PARD3B: variants seen among roughly 807,000 people sequenced by gnomAD.
PARD3B encodes the protein par-3 family cell polarity regulator beta.
In PARD3B, 103 loss-of-function variants were observed where a neutral mutation model predicts 130.2. The ratio of observed to expected loss-of-function variants is 0.79; its 90% CI spans 0.67 to 0.93. The LOEUF (loss-of-function observed/expected upper bound fraction) is 0.93, where lower values mean the gene tolerates loss of function less well. Ranked by LOEUF, PARD3B falls within the 40% of genes least tolerant of loss-of-function variation. The pLI is 0.00. For missense variants in PARD3B, 1,609 were observed against 1,499.2 expected, an observed-to-expected ratio of 1.07 and a Z score of -1.21; for synonymous variants, 583 against 553.2, an observed-to-expected ratio of 1.05 and a Z score of -0.76.
intron 22 of PARD3B, among the ~76,000 whole-genome samples, chr2:205,602,088 A>G (rs1458023419): frequency 6.6e-6 from 1 of 152,148 alleles, no homozygotes; most frequent in East Asian, 1.9e-4. Context: ...AACATGAAAG[A>G]ATGTTGAATT....
At chr2:205,610,519 A>G (rs2105790858) in intron 22 of PARD3B, among the ~76,000 whole-genome samples, 2 of 152,288 alleles carry the variant, frequency 1.3e-5, no homozygotes, top group Middle Eastern at 6.8e-3. Flanking sequence ...GTTAATCTTG[A>G]GTCAAGAGAG....
At chr2:205,273,795 C>T (rs1297312657) in intron 16 of PARD3B, among the ~76,000 whole-genome samples, 8 of 152,284 alleles carry the variant, frequency 5.3e-5, no homozygotes, top group African/African-American at 1.2e-4. Context: ...ACAGTCGCAC[C>T]GTATTCTGCG....
At chr2:205,557,268 C>T (rs556471798) in intron 22 of PARD3B, among the ~76,000 whole-genome samples, 3 of 152,134 alleles carry the variant, frequency 2.0e-5, no homozygotes, top group Non-Finnish European at 4.4e-5. Context: ...CCCTTGCTGC[C>T]GTCCAGCTTT....
At chr2:205,518,110 G>A (rs1463862166) in intron 21 of PARD3B, among the ~76,000 whole-genome samples, 1 of 152,158 alleles carries the variant, frequency 6.6e-6, no homozygotes, top group African/African-American at 2.4e-5. Flanking sequence ...ATTTGGTCCA[G>A]TGTTGAGTTC....
At chr2:205,224,387 A>AAAAAAAG (rs2038421488) in intron 15 of PARD3B, among the ~76,000 whole-genome samples, 1 of 143,762 alleles carries the variant, frequency 7.0e-6, no homozygotes, top group Non-Finnish European at 1.5e-5. Flanking sequence ...AAAAAAAAAA[A>AAAAAAAG]AGAAAGAAAG....
At chr2:205,448,206 A>G (rs1045964093) in intron 20 of PARD3B, among the ~76,000 whole-genome samples, 2 of 152,166 alleles carry the variant, frequency 1.3e-5, no homozygotes, top group Admixed American at 1.3e-4. Flanking sequence ...TGTGTACACT[A>G]AAGTCTATTG....
At chr2:205,261,511 T>A (rs1182499440) in intron 16 of PARD3B, among the ~76,000 whole-genome samples, 1 of 152,140 alleles carries the variant, frequency 6.6e-6, no homozygotes, top group East Asian at 1.9e-4. Flanking sequence ...GGATCTCTTT[T>A]GACAAGACAA....
chr2:204,995,275 TGTG>T (rs1268948965), intron 3 of PARD3B, among the ~76,000 whole-genome samples: 3 of 151,414 alleles, frequency 2.0e-5, no homozygotes, highest in Non-Finnish European at 4.4e-5. Flanking sequence ...GGGCAGGCCT[TGTG>T]GTGACAAAAT....
intron 20 of PARD3B, among the ~76,000 whole-genome samples, chr2:205,481,111 G>A (rs2049219119): frequency 3.3e-5 from 5 of 152,120 alleles, no homozygotes; most frequent in Admixed American, 3.3e-4. Flanking sequence ...TAGACCCTGG[G>A]GAATGGTTTG....
intron 11 of PARD3B, among the ~76,000 whole-genome samples, chr2:205,168,104 T>C (rs1559503699): frequency 6.6e-6 from 1 of 152,220 alleles, no homozygotes; most frequent in Non-Finnish European, 1.5e-5. Flanking sequence ...TTACATTTTG[T>C]CTTTACTCTG....
At chr2:205,505,114 A>G (rs2050303933) in intron 21 of PARD3B, among the ~76,000 whole-genome samples, 1 of 152,162 alleles carries the variant, frequency 6.6e-6, no homozygotes. Flanking sequence ...GCTGGAAACC[A>G]TCATTCTCAG....
intron 22 of PARD3B, among the ~76,000 whole-genome samples, chr2:205,602,715 C>G (rs192902498): frequency 6.6e-6 from 1 of 152,204 alleles, no homozygotes; most frequent in Admixed American, 6.5e-5. Context: ...GTGGTGTTAT[C>G]CCCTTTATCA....
chr2:204,816,467 TA>T (rs1470255418), intron 2 of PARD3B, among the ~76,000 whole-genome samples: 3 of 151,978 alleles, frequency 2.0e-5, no homozygotes, highest in Non-Finnish European at 4.4e-5. Context: ...ATATGTTTTG[TA>T]ATGTCTTTAT....
At chr2:204,814,602 G>T (rs570891026) in intron 2 of PARD3B, among the ~76,000 whole-genome samples, 2 of 151,964 alleles carry the variant, frequency 1.3e-5, no homozygotes, top group East Asian at 3.9e-4. Context: ...AGCACAATGT[G>T]GAAGAGAAGT....
intron 2 of PARD3B, among the ~76,000 whole-genome samples, chr2:204,787,575 G>A (rs2042055620): frequency 6.6e-6 from 1 of 152,076 alleles, no homozygotes; most frequent in African/African-American, 2.4e-5. Context: ...GCAAAGGTAG[G>A]CCTTGTTTCC....
chr2:205,052,421 A>ATATATATATATATATATATATATG (rs1553604714), intron 4 of PARD3B, among the ~76,000 whole-genome samples: 15 of 11,642 alleles, frequency 1.3e-3, no homozygotes, highest in Middle Eastern at 0.023. Flanking sequence ...ATATATATGT[A>ATATATATATATATATATATATATG]TATATATATA....
intron 18 of PARD3B, among the ~76,000 whole-genome samples, chr2:205,387,323 C>G (rs1224300494): frequency 6.6e-6 from 1 of 152,198 alleles, no homozygotes. Flanking sequence ...CTCCCTCTAA[C>G]TTGCTAAATT....
intron 10 of PARD3B, among the ~76,000 whole-genome samples, chr2:205,129,703 C>A (rs2031813973): frequency 6.6e-6 from 1 of 152,206 alleles, no homozygotes; most frequent in Admixed American, 6.5e-5. Flanking sequence ...CACTGCACTG[C>A]CTAGTTTCCG....
intron 2 of PARD3B, among the ~76,000 whole-genome samples, chr2:204,746,280 C>T (rs2040225393): frequency 6.6e-6 from 1 of 151,590 alleles, no homozygotes. Context: ...TGGTTTCCAG[C>T]TTCATCCATG....
Sources: gnomAD v4.1 joint callset for allele counts (sites outside exome capture counted in the v4.1 genomes callset) on GRCh38, gnomAD v4.1.1 for gene constraint, MANE v1.5 for transcripts, NCBI Gene and HGNC (gene_info 2026-07-23, HGNC 2026-07-21) for gene names.